Variants in LINGO2 observed in about 807,000 individuals in gnomAD.
LINGO2 encodes leucine-rich repeat and immunoglobulin-like domain-containing nogo receptor-interacting protein 2.
A neutral mutation model predicts 30.6 loss-of-function variants in LINGO2; 14 were observed. The observed-to-expected ratio is 0.46, with a 90% CI of 0.30 to 0.72. The LOEUF is 0.72. Among genes scored for constraint, LINGO2 ranks in the 30% least tolerant of loss-of-function variants. The probability of loss-of-function intolerance (pLI) is 0.07; values close to 1 mark genes in which losing one functional copy is unlikely to be tolerated. For synonymous variants in LINGO2, 317 were observed against 288.5 expected (o/e 1.10, Z -1.00); for missense variants, 729 against 751.7 (o/e 0.97, Z 0.35).
chr9:28,710,508 G>A, the LINGO2 span, among the ~76,000 whole-genome samples: 6 of 152,034 alleles, frequency 3.9e-5, no homozygotes, highest in East Asian at 3.9e-4. Flanking sequence ...ACTAAACCAC[G>A]AGATTTTTTT....
At chr9:28,906,228 T>C in the LINGO2 span, among the ~76,000 whole-genome samples, 2 of 151,928 alleles carry the variant, frequency 1.3e-5, no homozygotes, top group Non-Finnish European at 2.9e-5. Context: ...AGATATTTAT[T>C]GTACAATATG....
At chr9:29,062,556 C>T in the LINGO2 span, among the ~76,000 whole-genome samples, 7 of 152,106 alleles carry the variant, frequency 4.6e-5, no homozygotes, top group Non-Finnish European at 1.0e-4. Context: ...ACCTTGAAAA[C>T]GTCATGCTAA....
intron 4 of LINGO2, among the ~76,000 whole-genome samples, chr9:28,155,861 T>C (rs1269397860): frequency 6.6e-6 from 1 of 152,124 alleles, no homozygotes; most frequent in South Asian, 2.1e-4. Context: ...TGTGAGGACA[T>C]GGCAAGAAAG....
At chr9:28,350,366 C>A (rs1364712395) in intron 3 of LINGO2, among the ~76,000 whole-genome samples, 1 of 147,050 alleles carries the variant, frequency 6.8e-6, no homozygotes, top group Non-Finnish European at 1.5e-5. Flanking sequence ...TCTGATAAAA[C>A]AGACTTTAAA....
chr9:27,956,866 G>C (rs1422190025), intron 5 of LINGO2, among the ~76,000 whole-genome samples: 1 of 152,160 alleles, frequency 6.6e-6, no homozygotes, highest in East Asian at 1.9e-4. Flanking sequence ...GTTGAGGTGG[G>C]AGGATTGCTT....
At chr9:29,106,020 C>T in the LINGO2 span, among the ~76,000 whole-genome samples, 1 of 152,154 alleles carries the variant, frequency 6.6e-6, no homozygotes, top group African/African-American at 2.4e-5. Context: ...AGGAGACCTG[C>T]TAAAAACATG....
chr9:28,199,810 T>C (rs1452065589), intron 4 of LINGO2, among the ~76,000 whole-genome samples: 1 of 152,182 alleles, frequency 6.6e-6, no homozygotes, highest in Non-Finnish European at 1.5e-5. Flanking sequence ...TTCTAGTGAA[T>C]ATAATACATG....
Position 28,400,407 on chromosome 9 carries a change from A to C in LINGO2, c.-278-27539T>G, listed in dbSNP as rs1020424721. Among the ~76,000 whole-genome samples, 6 of 152,322 alleles carry C rather than the reference A, an allele frequency of 3.9e-5. No individual in the cohort carries two copies. The South Asian group carries it at 1.2e-3, about 32-fold the overall frequency. On this transcript the variant is annotated intron_variant, in intron 2 of 5. Coordinates refer to ENST00000379992, the Ensembl canonical transcript of LINGO2. Reference sequence around the variant, plus strand: ...CAATGATGTTATATGAATAGCTTAAAATTAGGCATGGTAGGTGAATTTACA... The same window carrying C: ...CAATGATGTTATATGAATAGCTTAACATTAGGCATGGTAGGTGAATTTACA...
chr9:29,087,356 T>A, the LINGO2 span, among the ~76,000 whole-genome samples: 1 of 152,200 alleles, frequency 6.6e-6, no homozygotes, highest in Non-Finnish European at 1.5e-5. Flanking sequence ...AAACCAGGAC[T>A]GGTACACATT....
At chr9:29,045,350 C>T in the LINGO2 span, among the ~76,000 whole-genome samples, 1 of 151,952 alleles carries the variant, frequency 6.6e-6, no homozygotes, top group Non-Finnish European at 1.5e-5. Flanking sequence ...TACTTTCATA[C>T]AATGAAGTAC....
At position 28,307,762 on chromosome 9, in the gene LINGO2, G is replaced by T. The variant is rs932312267; in HGVS notation, c.-245-12396C>A. Among the ~76,000 whole-genome samples, 3 of 152,060 alleles carry T rather than the reference G, an allele frequency of 2.0e-5. No homozygotes were observed. In the South Asian group the frequency reaches 6.2e-4, roughly 32 times the overall value. ...GGATACAAAATCAATGTACAAAAAT[G>T]ACAAGCATTCTTATACACCAATAAC... is the stretch of plus-strand genomic sequence containing the variant. On this transcript the variant is annotated intron_variant, in intron 3 of 5. Transcript: ENST00000379992.
rs10968534 is a variant in LINGO2 at position 28,367,003 on chromosome 9, C to G, written c.-246+5833G>C. ...TCCTCCTCCTTTTTATCTTTCTCAT[C>G]GATTTCCCACATGGAATATACAGAT... On this transcript the variant is annotated intron_variant, in intron 3 of 5. Coordinates refer to ENST00000379992, the Ensembl canonical transcript of LINGO2. 1.6e-3 allele frequency among the ~76,000 whole-genome samples: 241 copies of G among 151,710 alleles called. 5 individuals are homozygous for G. The East Asian group carries it at 0.026, about 16-fold the overall frequency.
the LINGO2 span, among the ~76,000 whole-genome samples, chr9:28,868,573 T>C: frequency 6.6e-6 from 1 of 152,248 alleles, no homozygotes; most frequent in South Asian, 2.1e-4. Flanking sequence ...CAGTGTTTTG[T>C]AGGTAAATTT....
At chr9:28,604,737 A>C (rs1327538983) in intron 1 of LINGO2, among the ~76,000 whole-genome samples, 2 of 151,990 alleles carry the variant, frequency 1.3e-5, no homozygotes, top group African/African-American at 4.8e-5. Context: ...GAATATATCT[A>C]GTTTGGCAAG....
At chr9:28,420,215 C>T (rs540628971) in intron 2 of LINGO2, among the ~76,000 whole-genome samples, 1 of 152,192 alleles carries the variant, frequency 6.6e-6, no homozygotes, top group Admixed American at 6.5e-5. Context: ...TTTCCAAATA[C>T]TCTAGAAGTA....
chr9:29,069,928 A>T, the LINGO2 span, among the ~76,000 whole-genome samples: 1 of 152,118 alleles, frequency 6.6e-6, no homozygotes, highest in African/African-American at 2.4e-5. Flanking sequence ...ATCAGAGTTT[A>T]AGAGCTCTAA....
chr9:28,861,258 A>G, the LINGO2 span, among the ~76,000 whole-genome samples: 1 of 122,420 alleles, frequency 8.2e-6, no homozygotes, highest in Non-Finnish European at 1.6e-5. Flanking sequence ...ATACAATATT[A>G]TATAAAATAT....
At chr9:27,979,837 A>G (rs1820771904) in intron 5 of LINGO2, among the ~76,000 whole-genome samples, 1 of 151,990 alleles carries the variant, frequency 6.6e-6, no homozygotes, top group Non-Finnish European at 1.5e-5. Flanking sequence ...ACAGGAAATA[A>G]TTAGTTCTTG....
At chr9:28,899,636 G>T in the LINGO2 span, among the ~76,000 whole-genome samples, 1 of 152,314 alleles carries the variant, frequency 6.6e-6, no homozygotes, top group Admixed American at 6.5e-5. Flanking sequence ...CTGCCCAAGT[G>T]CCAGACTGGG....
Sources: allele counts gnomAD v4.1 joint callset (sites outside exome capture counted in the v4.1 genomes callset), GRCh38; gene constraint gnomAD v4.1.1; transcripts MANE v1.5; gene names NCBI Gene and HGNC (gene_info 2026-07-23, HGNC 2026-07-21).